ADGRG6: variants seen among roughly 807,000 people sequenced by gnomAD.
The protein encoded by ADGRG6 is adhesion G protein-coupled receptor G6.
A neutral mutation model predicts 142.4 loss-of-function variants in ADGRG6; 84 were observed. The ratio of observed to expected loss-of-function variants is 0.59; its 90% CI spans 0.49 to 0.71. The LOEUF (loss-of-function observed/expected upper bound fraction) is 0.71, where lower values mean the gene tolerates loss of function less well. Ranked by LOEUF, ADGRG6 falls within the 30% of genes least tolerant of loss-of-function variation. The pLI, the probability that ADGRG6 is intolerant of heterozygous loss-of-function variation, is 0.00. For missense variants in ADGRG6, 1,367 were observed against 1,466.6 expected, an observed-to-expected ratio of 0.93 and a Z score of 1.11; for synonymous variants, 521 against 520.5, an observed-to-expected ratio of 1.00 and a Z score of -0.01.
chr6:142,366,486 A>T (rs933706332), intron 2 of ADGRG6, among the ~76,000 whole-genome samples: 1 of 152,208 alleles, frequency 6.6e-6, no homozygotes, highest in Non-Finnish European at 1.5e-5. Context: ...GAGAACCAGC[A>T]TCGCTAACAT....
intron 15 of ADGRG6, among the ~76,000 whole-genome samples, 191 bp from the exon 16 acceptor site, chr6:142,407,959 A>G (rs976176849): frequency 6.6e-6 from 1 of 152,140 alleles, no homozygotes; most frequent in African/African-American, 2.4e-5. Flanking sequence ...CATTCCCTCA[A>G]TGTATTTATT....
Position 142,393,869 on chromosome 6 carries a change from A to C in ADGRG6, c.1362-27A>C, listed in dbSNP as rs200899212. 60 of 1,393,154 alleles carry C rather than the reference A, an allele frequency of 4.3e-5. No homozygotes were observed. The African/African-American group carries it at 6.7e-4, about 16-fold the overall frequency. The allele number at this position is 1,393,154 out of a possible 1,614,324, so 86.3% of individuals were successfully genotyped here. On this transcript the variant is annotated intron_variant, in intron 8 of 24. Coordinates refer to ENST00000367609, the MANE Select transcript of ADGRG6 (RefSeq NM_198569.3). Reference sequence around the variant, plus strand: ...GATGATGTAGTTGGTGAGGTGGATTAATGAATATATGTATTTGTGTTTTTA... The same window carrying C: ...GATGATGTAGTTGGTGAGGTGGATTCATGAATATATGTATTTGTGTTTTTA...
chr6:142,367,069 ATTAT>A (rs1209550193), intron 2 of ADGRG6, among the ~76,000 whole-genome samples: 20 of 152,190 alleles, frequency 1.3e-4, no homozygotes, highest in African/African-American at 3.9e-4. Context: ...TTTCTATTAA[ATTAT>A]TTATTTTCTA....
intron 2 of ADGRG6, among the ~76,000 whole-genome samples, chr6:142,341,463 T>C (rs1779625331): frequency 2.5e-5 from 3 of 118,192 alleles, no homozygotes; most frequent in Non-Finnish European, 5.0e-5. Flanking sequence ...ATATAGTATA[T>C]ATAATATTAT....
chr6:142,409,365 G>A (rs1310545391), intron 16 of ADGRG6, among the ~76,000 whole-genome samples: 1 of 152,098 alleles, frequency 6.6e-6, no homozygotes, highest in Non-Finnish European at 1.5e-5. Flanking sequence ...AGGCTGAAGA[G>A]TATTTCATTG....
chr6:142,438,046 A>G, intron 23 of ADGRG6, 166 bp from the exon 24 acceptor site: 1 of 488,252 alleles, frequency 2.0e-6, no homozygotes, highest in Non-Finnish European at 3.6e-6. Flanking sequence ...AAAGTAAGAA[A>G]TTATCAATAT....
At chr6:142,427,565 A>G (rs1383318121) in intron 22 of ADGRG6, among the ~76,000 whole-genome samples, 2 of 152,144 alleles carry the variant, frequency 1.3e-5, no homozygotes, top group Non-Finnish European at 2.9e-5. Context: ...TCTGTTACCC[A>G]GTTCCCAAGT....
At chr6:142,405,134 G>A (rs946464364) in intron 14 of ADGRG6, among the ~76,000 whole-genome samples, 23 of 152,144 alleles carry the variant, frequency 1.5e-4, no homozygotes, top group Non-Finnish European at 4.4e-5. Flanking sequence ...GCTCTTTTGG[G>A]TAATTCTTTT....
At chr6:142,382,792 A>G (rs1781831749) in intron 5 of ADGRG6, among the ~76,000 whole-genome samples, 1 of 152,318 alleles carries the variant, frequency 6.6e-6, no homozygotes, top group African/African-American at 2.4e-5. Context: ...TGGATCTCTT[A>G]TTAAGAAGAT....
chr6:142,318,135 T>A (rs1325816621), intron 2 of ADGRG6, among the ~76,000 whole-genome samples: 1 of 45,440 alleles, frequency 2.2e-5, no homozygotes, highest in African/African-American at 9.1e-5. Context: ...TATTATATAT[T>A]TATATAATAT....
intron 2 of ADGRG6, among the ~76,000 whole-genome samples, chr6:142,357,418 A>G (rs1159764273): frequency 6.6e-6 from 1 of 152,230 alleles, no homozygotes; most frequent in African/African-American, 2.4e-5. Context: ...TTTTTCTTAA[A>G]AAAACATTAT....
chr6:142,333,542 G>A (rs777840626), intron 2 of ADGRG6, among the ~76,000 whole-genome samples: 3 of 152,072 alleles, frequency 2.0e-5, no homozygotes, highest in Non-Finnish European at 4.4e-5. Context: ...TAGATATAAG[G>A]TCTCACTGTG....
intron 22 of ADGRG6, among the ~76,000 whole-genome samples, chr6:142,425,606 G>A (rs1318244048): frequency 6.6e-6 from 1 of 152,128 alleles, no homozygotes; most frequent in South Asian, 2.1e-4. Flanking sequence ...TTGCAGGGAG[G>A]CACCTTAAAG....
At chr6:142,432,347 A>G (rs1375252873) in intron 22 of ADGRG6, among the ~76,000 whole-genome samples, 1 of 152,218 alleles carries the variant, frequency 6.6e-6, no homozygotes, top group East Asian at 1.9e-4. Context: ...GTGACTACAA[A>G]TAGTAAAATA....
intron 18 of ADGRG6, among the ~76,000 whole-genome samples, chr6:142,413,907 A>T (rs1425386877): frequency 2.2e-5 from 3 of 133,484 alleles, no homozygotes; most frequent in Non-Finnish European, 4.6e-5. Context: ...TATCACACAC[A>T]CACACACACA....
At chr6:142,419,538 T>C (rs151083556) in intron 21 of ADGRG6, among the ~76,000 whole-genome samples, 1 of 152,256 alleles carries the variant, frequency 6.6e-6, no homozygotes, top group African/African-American at 2.4e-5. Context: ...TTGGAACAAG[T>C]CAGCCAAGAG....
chr6:142,414,947 C>T (rs1776280854), intron 18 of ADGRG6, 22 bp from the exon 19 acceptor site: 2 of 1,596,876 alleles, frequency 1.3e-6, no homozygotes, highest in Non-Finnish European at 1.7e-6. Context: ...TTTCTTACAG[C>T]TGCTCGCCAT....
intron 2 of ADGRG6, among the ~76,000 whole-genome samples, chr6:142,342,051 C>T (rs897770366): frequency 6.6e-6 from 1 of 151,944 alleles, no homozygotes; most frequent in African/African-American, 2.4e-5. Flanking sequence ...CTTAAAATGC[C>T]CATCGTTTCA....
chr6:142,317,795 A>ATT (rs1314010926), intron 2 of ADGRG6, among the ~76,000 whole-genome samples: 2 of 89,780 alleles, frequency 2.2e-5, no homozygotes, highest in East Asian at 5.3e-4. Flanking sequence ...TATATAATAT[A>ATT]TATATTATAT....
Sources: gnomAD v4.1 joint callset for allele counts (sites outside exome capture counted in the v4.1 genomes callset) on GRCh38, gnomAD v4.1.1 for gene constraint, MANE v1.5 for transcripts, NCBI Gene and HGNC (gene_info 2026-07-23, HGNC 2026-07-21) for gene names.